ARSK: variants seen among roughly 807,000 people sequenced by gnomAD.
ARSK encodes arylsulfatase family member K.
ARSK carries 37 observed loss-of-function variants against 53.2 expected under a neutral mutation model. The observed-to-expected ratio is 0.70, with a 90% CI of 0.54 to 0.92. The LOEUF (loss-of-function observed/expected upper bound fraction) is 0.92. Among genes scored for constraint, ARSK ranks in the 40% least tolerant of loss-of-function variants. The pLI is 0.00. For synonymous variants in ARSK, 208 were observed against 223.2 expected, an observed-to-expected ratio of 0.93 and a Z score of 0.61; for missense variants, 613 against 643.0, an observed-to-expected ratio of 0.95 and a Z score of 0.51.
intron 1 of ARSK, among the ~76,000 whole-genome samples, chr5:95,560,070 G>C (rs867948302): frequency 6.6e-6 from 1 of 152,050 alleles, no homozygotes; most frequent in South Asian, 2.1e-4. Context: ...TAAGAAAACA[G>C]TTCCATTTAA....
At chr5:95,567,790 T>C in intron 2 of ARSK, 100 bp from the exon 3 acceptor site, 1 of 1,199,970 alleles carries the variant, frequency 8.3e-7, no homozygotes, top group East Asian at 2.4e-5. Flanking sequence ...CTGCAGAGCA[T>C]AAGCTCTTCA....
At chr5:95,599,585 C>T (rs1181576144) in intron 6 of ARSK, among the ~76,000 whole-genome samples, 1 of 152,148 alleles carries the variant, frequency 6.6e-6, no homozygotes, top group Admixed American at 6.6e-5. Context: ...AACCTCTTTT[C>T]TCCTCTTTTT....
chr5:95,581,267 A>G (rs1749017072), intron 3 of ARSK, among the ~76,000 whole-genome samples: 1 of 152,230 alleles, frequency 6.6e-6, no homozygotes, highest in African/African-American at 2.4e-5. Flanking sequence ...CAGTTAAAAA[A>G]AATAAGGAGA....
intron 3 of ARSK, among the ~76,000 whole-genome samples, chr5:95,576,992 G>T (rs1012204186): frequency 2.0e-5 from 3 of 152,310 alleles, no homozygotes; most frequent in Non-Finnish European, 1.5e-5. Context: ...TAGTGCTTAC[G>T]TTAGGTGCCC....
intron 4 of ARSK, among the ~76,000 whole-genome samples, chr5:95,585,161 A>G (rs1300832665): frequency 6.6e-6 from 1 of 152,206 alleles, no homozygotes; most frequent in Non-Finnish European, 1.5e-5. Context: ...GAATGGTCAT[A>G]ATCAAAAAAT....
At chr5:95,560,045 C>T (rs1561359424) in intron 1 of ARSK, among the ~76,000 whole-genome samples, 1 of 152,048 alleles carries the variant, frequency 6.6e-6, no homozygotes, top group African/African-American at 2.4e-5. Flanking sequence ...TTGATTAACA[C>T]ACTTATAGTC....
At chr5:95,578,772 A>C (rs1488497585) in intron 3 of ARSK, among the ~76,000 whole-genome samples, 1 of 152,184 alleles carries the variant, frequency 6.6e-6, no homozygotes, top group African/African-American at 2.4e-5. Flanking sequence ...ATTTTAAGGT[A>C]TATTTTTTCA....
chr5:95,590,971 C>T (rs768308330), intron 5 of ARSK, among the ~76,000 whole-genome samples: 71 of 152,332 alleles, frequency 4.7e-4, no homozygotes, highest in Non-Finnish European at 8.8e-4. Flanking sequence ...AGAGTTCTGA[C>T]TGCTCTTATC....
intron 4 of ARSK, among the ~76,000 whole-genome samples, chr5:95,585,631 G>T (rs548317035): frequency 2.9e-4 from 44 of 152,298 alleles, no homozygotes; most frequent in African/African-American, 1.1e-3. Context: ...AGAGGCATAA[G>T]AATAATACAG....
intron 1 of ARSK, among the ~76,000 whole-genome samples, chr5:95,563,489 A>G (rs1293990087): frequency 1.3e-5 from 2 of 152,156 alleles, no homozygotes; most frequent in East Asian, 1.9e-4. Context: ...ATCGTTGGGA[A>G]CTTTCCCACA....
At chr5:95,567,831 C>G in intron 2 of ARSK, 59 bp from the exon 3 acceptor site, 12 of 1,508,342 alleles carry the variant, frequency 8.0e-6, no homozygotes, top group Non-Finnish European at 1.1e-5. Flanking sequence ...AGTAATTGTC[C>G]TAATAGTTAA....
chr5:95,565,048 A>G (rs7737266), intron 1 of ARSK, among the ~76,000 whole-genome samples: 9,113 of 152,256 alleles, frequency 0.06, 333 homozygotes, highest in East Asian at 0.11. Context: ...TATATTCTAT[A>G]TTTTGGGTTG....
At position 95,582,868 on chromosome 5, in the gene ARSK, A is replaced by G. The variant is rs147676751; in HGVS notation, c.417-48A>G. The G allele has an allele frequency of 1.4e-4, 212 of 1,490,658 alleles. 2 individuals carry two copies. The highest frequency in any genetic ancestry group is 7.4e-4 in the Admixed American group (34 of 45,814). The allele number at this position is 1,490,658 out of a possible 1,614,324, so 92.3% of individuals were successfully genotyped here. On this transcript the variant is annotated intron_variant, in intron 3 of 7. Transcript: ENST00000380009. ...TTAGTGTATGCTTAGTATGTTTTTA[A>G]AACTTTTTAATATACCTGACAATAT...
intron 5 of ARSK, among the ~76,000 whole-genome samples, chr5:95,590,465 T>G (rs1373632098): frequency 6.6e-6 from 1 of 151,942 alleles, no homozygotes; most frequent in African/African-American, 2.4e-5. Flanking sequence ...ATGGAGTGAT[T>G]AGGTAATTTA....
At chr5:95,591,076 T>G (rs2112441301) in intron 5 of ARSK, among the ~76,000 whole-genome samples, 1 of 152,298 alleles carries the variant, frequency 6.6e-6, no homozygotes, top group East Asian at 1.9e-4. Flanking sequence ...GATCTTTCTT[T>G]TCTCATTCAA....
At chr5:95,598,537 TG>T in intron 6 of ARSK, among the ~76,000 whole-genome samples, 1 of 152,312 alleles carries the variant, frequency 6.6e-6, no homozygotes, top group African/African-American at 2.4e-5. Flanking sequence ...CCTTATCTCT[TG>T]CCTGGATTCC....
intron 3 of ARSK, among the ~76,000 whole-genome samples, chr5:95,571,179 T>G (rs1273458196): frequency 6.6e-6 from 1 of 152,240 alleles, no homozygotes; most frequent in East Asian, 1.9e-4. Flanking sequence ...AATGTAAGCT[T>G]AATCTAAAGT....
intron 3 of ARSK, among the ~76,000 whole-genome samples, chr5:95,574,759 A>G (rs1224457848): frequency 6.6e-6 from 1 of 151,932 alleles, no homozygotes; most frequent in African/African-American, 2.4e-5. Flanking sequence ...TGTCAGATGG[A>G]TAGTTTTCAA....
Position 95,557,319 on chromosome 5 carries a change from T to A in ARSK, c.126+1915T>A, listed in dbSNP as rs77281077. Among the ~76,000 whole-genome samples the A allele has an allele frequency of 7.7e-3, 1,180 of 152,288 alleles. 10 individuals carry two copies. Among genetic ancestry groups the A allele is most frequent in the Non-Finnish European group, 0.013 (918 of 68,006 alleles). ...CTAGAAAGTATATAATATTTTAGAA[T>A]GAGAAAAATAAATTGTGAGATCATA... On this transcript the variant is annotated intron_variant, in intron 1 of 7. Coordinates refer to ENST00000380009, the MANE Select transcript of ARSK (RefSeq NM_198150.3).
Sources: allele counts gnomAD v4.1 joint callset (sites outside exome capture counted in the v4.1 genomes callset), GRCh38; gene constraint gnomAD v4.1.1; transcripts MANE v1.5; gene names NCBI Gene and HGNC (gene_info 2026-07-23, HGNC 2026-07-21).